The following TARBP1 variants were observed in gnomAD, a reference collection of about 807,000 sequenced individuals.
The protein encoded by TARBP1 is tRNA guanosine 2 -O-methyltransferase TARBP1, also known as tRNA (guanosine(18)-2'-O)-methyltransferase TARBP1.
In TARBP1, 144 loss-of-function variants were observed where a neutral mutation model predicts 178.6. The ratio of observed to expected loss-of-function variants is 0.81; its 90% confidence interval spans 0.70 to 0.93. The LOEUF is 0.93. Among genes scored for constraint, TARBP1 ranks in the 40% least tolerant of loss-of-function variants. The pLI is 0.00. For synonymous variants in TARBP1, 787 were observed against 781.0 expected (o/e 1.01, Z -0.13); for missense variants, 2,067 against 2,011.7 (o/e 1.03, Z -0.53).
chr1:234,391,873 A>G, intron 29 of TARBP1, 128 bp from the exon 30 acceptor site: 1 of 1,029,928 alleles, frequency 9.7e-7, no homozygotes, highest in Non-Finnish European at 1.4e-6. Context: ...TAAAAGAAAC[A>G]TTAACAAATG....
Position 234,460,262 on chromosome 1 carries a change from T to A in TARBP1, c.1534A>T (p.Arg512Trp). The A allele has an allele frequency of 6.2e-7, 1 of 1,612,694 alleles. No homozygotes were observed. The highest frequency in any genetic ancestry group is 8.5e-7 in the Non-Finnish European group (1 of 1,179,692). Residue 512 changes from arginine to tryptophan, a missense_variant and splice_region_variant, in exon 7 of 30, where the codon AGG (arginine) becomes TGG (tryptophan). Physicochemically the swap from Arg to Trp is moderately radical, Grantham distance 101 (BLOSUM62 -3). Transcript: ENST00000040877. ...ALGIDGLLAL[R>W]DVIHCTMITH... ...AAGTACATATACAGAGTAAATTACC[T>A]GAGAGCAAGAAGCCCATCTATACCC...
chr1:234,406,090 G>T lies in TARBP1; in HGVS notation c.3802C>A (p.Leu1268Met), dbSNP rs1187241100. ...AGCACAACTATAAGGGCTTGCTTCAGAATTAGTTTCTGAAAAGAAAGGCAA... is the reference window on the plus strand; with the variant it reads ...AGCACAACTATAAGGGCTTGCTTCATAATTAGTTTCTGAAAAGAAAGGCAA... ...TQNIPEKKLI[L>M]KQALIVVLQW... The change falls in exon 24 of 30, where the codon CTG becomes ATG. Residue 1268 changes from leucine (L) to methionine (M), a missense_variant. Leu to Met is a conservative substitution (Grantham distance 15, BLOSUM62 2). Coordinates refer to ENST00000040877, the MANE Select transcript of TARBP1 (RefSeq NM_005646.4). 1 of 1,612,844 alleles carries T rather than the reference G, an allele frequency of 6.2e-7. No homozygotes were observed. Among genetic ancestry groups the T allele is most frequent in the Non-Finnish European group, 8.5e-7 (1 of 1,179,566 alleles).
intron 17 of TARBP1, among the ~76,000 whole-genome samples, chr1:234,428,580 C>T (rs1019082302): frequency 6.0e-5 from 9 of 150,710 alleles, no homozygotes; most frequent in Non-Finnish European, 1.0e-4. Context: ...GAGTCTTGCT[C>T]TGTTGCCCAG....
At chr1:234,433,974 C>G (rs1251057693) in intron 13 of TARBP1, among the ~76,000 whole-genome samples, 1 of 152,192 alleles carries the variant, frequency 6.6e-6, no homozygotes, top group Admixed American at 6.5e-5. Flanking sequence ...AGATCACTGT[C>G]CCACTTTCAT....
intron 1 of TARBP1, 39 bp downstream of exon 1, chr1:234,478,134 A>G: frequency 1.3e-6 from 2 of 1,591,676 alleles, no homozygotes; most frequent in Non-Finnish European, 8.6e-7. Flanking sequence ...GGGGCAGCCA[A>G]GTAGGTAGCA....
intron 20 of TARBP1, among the ~76,000 whole-genome samples, chr1:234,422,860 C>T (rs534359098): frequency 5.9e-5 from 9 of 152,310 alleles, no homozygotes; most frequent in Admixed American, 5.2e-4. Context: ...TAAATATATA[C>T]ACCTACTATA....
rs564057436 is a variant in TARBP1 at position 234,450,927 on chromosome 1, A to T, written c.1723-361T>A. 7.2e-5 allele frequency among the ~76,000 whole-genome samples: 11 copies of T among 152,288 alleles called. No individual in the cohort carries two copies. The South Asian group carries it at 2.3e-3, about 32-fold the overall frequency. ...AAATGTACACTTTAATGAGGTAAAG[A>T]TCTCTATAAAAAATAACGCATTACA... On this transcript the variant is annotated intron_variant, in intron 9 of 29. Coordinates refer to ENST00000040877, the MANE Select transcript of TARBP1 (RefSeq NM_005646.4).
At chr1:234,452,856 C>A (rs888229305) in intron 9 of TARBP1, among the ~76,000 whole-genome samples, 5 of 148,452 alleles carry the variant, frequency 3.4e-5, no homozygotes, top group African/African-American at 1.2e-4. Flanking sequence ...TACATCCAGA[C>A]AATGAAGTCT....
intron 1 of TARBP1, among the ~76,000 whole-genome samples, chr1:234,477,107 C>T (rs1333609914): frequency 6.6e-6 from 1 of 152,214 alleles, no homozygotes; most frequent in African/African-American, 2.4e-5. Flanking sequence ...ACCGCTTGAA[C>T]CCGGGAAGTG....
At chr1:234,403,691 T>A (rs1473240672) in intron 24 of TARBP1, among the ~76,000 whole-genome samples, 1 of 152,160 alleles carries the variant, frequency 6.6e-6, no homozygotes, top group Non-Finnish European at 1.5e-5. Flanking sequence ...TTTATTTGTT[T>A]ATTTATTTTT....
Position 234,467,484 on chromosome 1 carries a change from G to T in TARBP1, c.1248+18C>A. ...CCTTTCAACAATGGGAGCAAGGAAG[G>T]GGACAGGGTGTCATTACCTCAGAAA... is the stretch of plus-strand genomic sequence containing the variant. On this transcript the variant is annotated intron_variant, in intron 4 of 29. Transcript: ENST00000040877. The T allele has an allele frequency of 6.5e-7, 1 of 1,543,152 alleles. No homozygotes were observed. The highest frequency in any genetic ancestry group is 1.3e-5 in the South Asian group (1 of 78,944).
chr1:234,405,784 C>T, intron 24 of TARBP1, 119 bp downstream of exon 24: 2 of 967,560 alleles, frequency 2.1e-6, no homozygotes, highest in Non-Finnish European at 1.6e-6. Context: ...GCCCTCGATG[C>T]TCCAGGACGG....
At chr1:234,447,067 T>C (rs1439187138) in intron 11 of TARBP1, 92 bp from the exon 12 acceptor site, 3 of 1,347,578 alleles carry the variant, frequency 2.2e-6, no homozygotes, top group African/African-American at 1.5e-5. Flanking sequence ...GGTTAGCTAA[T>C]GGATCCAATT....
intron 23 of TARBP1, among the ~76,000 whole-genome samples, chr1:234,409,528 C>T (rs891844198): frequency 3.9e-5 from 6 of 152,166 alleles, no homozygotes; most frequent in South Asian, 2.1e-4. Context: ...AAGATGTGAA[C>T]GAGTTTTCCT....
Position 234,457,745 on chromosome 1 carries a change from T to C in TARBP1, c.1644A>G (p.Ser548=). 2 of 1,608,540 alleles carry C rather than the reference T, an allele frequency of 1.2e-6. No individual in the cohort carries two copies. The highest frequency in any genetic ancestry group is 8.5e-7 in the Non-Finnish European group (1 of 1,176,696). Reference sequence around the variant, plus strand: ...TGAGAAAAGTTGAGACATCAGAAAGTGACACTTTCTCCTGGGCAGGGCAGG... The same window carrying C: ...TGAGAAAAGTTGAGACATCAGAAAGCGACACTTTCTCCTGGGCAGGGCAGG... ...AMNLLDVEKV[S]LSDVSTFLMS... is the part of the protein sequence containing the mutation. Residue 548 remains serine (S), a synonymous_variant, in exon 9 of 30, where the codon TCA becomes TCG. Coordinates refer to ENST00000040877, the MANE Select transcript of TARBP1 (RefSeq NM_005646.4).
chr1:234,428,035 A>G (rs1378540011), intron 17 of TARBP1, among the ~76,000 whole-genome samples: 1 of 152,180 alleles, frequency 6.6e-6, no homozygotes, highest in Non-Finnish European at 1.5e-5. Context: ...ATCAAAGGGG[A>G]AAAACACCTC....
intron 6 of TARBP1, 64 bp downstream of exon 6, chr1:234,463,773 T>C (rs1668152953): frequency 1.1e-6 from 1 of 929,970 alleles, no homozygotes; most frequent in Non-Finnish European, 1.5e-6. Flanking sequence ...TATAACCAAT[T>C]TGCTAAAAAA....
intron 21 of TARBP1, among the ~76,000 whole-genome samples, chr1:234,419,219 T>C (rs937356286): frequency 1.3e-5 from 2 of 152,076 alleles, no homozygotes; most frequent in Non-Finnish European, 2.9e-5. Context: ...AAAAGTAATA[T>C]GTATTATGTA....
chr1:234,448,031 C>T (rs1335763232), intron 11 of TARBP1, among the ~76,000 whole-genome samples: 2 of 152,144 alleles, frequency 1.3e-5, no homozygotes, highest in Non-Finnish European at 2.9e-5. Context: ...CCTCCGCCAC[C>T]CAGTTCAAGT....
Sources: gnomAD v4.1 joint callset for allele counts (sites outside exome capture counted in the v4.1 genomes callset) on GRCh38, gnomAD v4.1.1 for gene constraint, MANE v1.5 for transcripts, NCBI Gene and HGNC (gene_info 2026-07-23, HGNC 2026-07-21) for gene names.